DACH1: variants seen among roughly 807,000 people sequenced by gnomAD.
The protein encoded by DACH1 is dachshund family transcription factor 1.
DACH1 carries 12 observed loss-of-function variants against 54.2 expected under a neutral mutation model. The observed-to-expected ratio is 0.22, with a 90% CI of 0.14 to 0.36. DACH1 has a LOEUF of 0.36. DACH1 is among the 10% of genes least tolerant of loss of function. DACH1 has a pLI of 1.00. For synonymous variants in DACH1, 386 were observed against 366.2 expected (o/e 1.05, Z -0.62); for missense variants, 805 against 929.8 (o/e 0.87, Z 1.75).
intron 1 of DACH1, among the ~76,000 whole-genome samples, chr13:71,815,899 C>A (rs1054747042): frequency 7.2e-5 from 11 of 151,988 alleles, no homozygotes; most frequent in African/African-American, 2.2e-4. Context: ...TCCTGGCTAA[C>A]ACGGTGAAAC....
rs564707051 is a variant in DACH1 at position 71,600,688 on chromosome 13, A to C, written c.1127-27676T>G. On this transcript the variant is annotated intron_variant, in intron 3 of 10. Coordinates refer to ENST00000613252, the MANE Select transcript of DACH1 (RefSeq NM_080759.6). The stretch of plus-strand genomic sequence containing the variant: ...TGAATGGCTGTTATGCATAATTTAC[A>C]TAAATTCTTTCTAACAGTCAAAGTT... Among the ~76,000 whole-genome samples the C allele has an allele frequency of 3.3e-4, 50 of 152,220 alleles. No individual in the cohort carries two copies. The South Asian group carries it at 8.5e-3, about 26-fold the overall frequency.
intron 6 of DACH1, among the ~76,000 whole-genome samples, chr13:71,522,292 C>T (rs1881655694): frequency 6.6e-6 from 1 of 152,022 alleles, no homozygotes; most frequent in Non-Finnish European, 1.5e-5. Flanking sequence ...CTTCCCTCCA[C>T]ATTGAGATTC....
chr13:71,764,894 AT>A (rs1399654598), intron 1 of DACH1, among the ~76,000 whole-genome samples: 2 of 152,168 alleles, frequency 1.3e-5, no homozygotes, highest in Non-Finnish European at 2.9e-5. Flanking sequence ...AATGTAATTT[AT>A]TGTCTTTTTA....
chr13:71,475,259 T>C (rs775000555), intron 9 of DACH1, 50 bp from the exon 10 acceptor site: 7 of 1,458,934 alleles, frequency 4.8e-6, no homozygotes, highest in Middle Eastern at 3.5e-4. Context: ...TGATTCCTAT[T>C]GTCCTTTAAA....
At chr13:71,488,363 T>G (rs1171011991) in intron 7 of DACH1, among the ~76,000 whole-genome samples, 1 of 152,148 alleles carries the variant, frequency 6.6e-6, no homozygotes, top group Non-Finnish European at 1.5e-5. Context: ...CTTATTATCT[T>G]GGCTCCACAC....
chr13:71,679,835 A>T (rs975078636), intron 2 of DACH1, among the ~76,000 whole-genome samples: 1 of 151,002 alleles, frequency 6.6e-6, no homozygotes, highest in Non-Finnish European at 1.5e-5. Flanking sequence ...TACAAAAAAA[A>T]TTCGGGCGTA....
At chr13:71,600,360 A>T (rs1874403947) in intron 3 of DACH1, among the ~76,000 whole-genome samples, 1 of 152,104 alleles carries the variant, frequency 6.6e-6, no homozygotes, top group Non-Finnish European at 1.5e-5. Flanking sequence ...AACTTGGATT[A>T]AAAAGTTTTT....
At chr13:71,785,449 C>T (rs912121851) in intron 1 of DACH1, among the ~76,000 whole-genome samples, 1 of 152,098 alleles carries the variant, frequency 6.6e-6, no homozygotes, top group African/African-American at 2.4e-5. Flanking sequence ...TAGAAAATTC[C>T]CTTTACATTG....
At chr13:71,503,340 C>T (rs1338463606) in intron 6 of DACH1, among the ~76,000 whole-genome samples, 1 of 152,046 alleles carries the variant, frequency 6.6e-6, no homozygotes, top group Non-Finnish European at 1.5e-5. Flanking sequence ...TTATATATGA[C>T]TTGTTGAATA....
chr13:71,858,219 C>A (rs1874127934), intron 1 of DACH1, among the ~76,000 whole-genome samples: 1 of 151,452 alleles, frequency 6.6e-6, no homozygotes, highest in South Asian at 2.1e-4. Flanking sequence ...ATTTTGTTTG[C>A]CCTTGAAGAA....
At chr13:71,835,287 C>A (rs181932622) in intron 1 of DACH1, among the ~76,000 whole-genome samples, 1 of 151,868 alleles carries the variant, frequency 6.6e-6, no homozygotes, top group African/African-American at 2.4e-5. Context: ...TATACAAATA[C>A]AAGAAACAGA....
intron 1 of DACH1, among the ~76,000 whole-genome samples, chr13:71,799,634 G>A (rs1288815324): frequency 6.6e-6 from 1 of 152,064 alleles, no homozygotes; most frequent in African/African-American, 2.4e-5. Flanking sequence ...GGTTCATTCG[G>A]CACCCTGACT....
chr13:71,864,846 C>T (rs1423981583), intron 1 of DACH1, among the ~76,000 whole-genome samples: 1 of 151,840 alleles, frequency 6.6e-6, no homozygotes, highest in Admixed American at 6.6e-5. Flanking sequence ...GCGCGCTTTG[C>T]TGGGCTGGGG....
chr13:71,492,552 G>A (rs1035496297), intron 6 of DACH1, among the ~76,000 whole-genome samples: 2 of 152,070 alleles, frequency 1.3e-5, no homozygotes, highest in Admixed American at 6.6e-5. Flanking sequence ...CTTCATTTTG[G>A]ACTTCTAGTC....
At chr13:71,798,675 C>T (rs895269805) in intron 1 of DACH1, among the ~76,000 whole-genome samples, 1 of 151,920 alleles carries the variant, frequency 6.6e-6, no homozygotes. Context: ...AGCAAAATCA[C>T]CTTAATTTGC....
At chr13:71,451,658 A>C (rs1429800364) in intron 10 of DACH1, among the ~76,000 whole-genome samples, 1 of 152,202 alleles carries the variant, frequency 6.6e-6, no homozygotes, top group Non-Finnish European at 1.5e-5. Flanking sequence ...AATTTTATAA[A>C]TTATTTTTAA....
intron 10 of DACH1, among the ~76,000 whole-genome samples, chr13:71,451,072 G>A (rs1231019259): frequency 6.6e-6 from 1 of 151,876 alleles, no homozygotes; most frequent in Non-Finnish European, 1.5e-5. Flanking sequence ...CATCATCATC[G>A]TCAACTATCT....
At chr13:71,575,248 A>G (rs969573961) in intron 3 of DACH1, among the ~76,000 whole-genome samples, 1 of 152,034 alleles carries the variant, frequency 6.6e-6, no homozygotes, top group African/African-American at 2.4e-5. Flanking sequence ...TTTAGAAATA[A>G]TAAGTAATTT....
At chr13:71,744,826 T>C (rs768594432) in intron 1 of DACH1, among the ~76,000 whole-genome samples, 1 of 152,330 alleles carries the variant, frequency 6.6e-6, no homozygotes, top group South Asian at 2.1e-4. Context: ...AAAGTGTATA[T>C]ATGCTTTAGC....
Sources: allele counts gnomAD v4.1 joint callset (sites outside exome capture counted in the v4.1 genomes callset), GRCh38; gene constraint gnomAD v4.1.1; transcripts MANE v1.5; gene names NCBI Gene and HGNC (gene_info 2026-07-23, HGNC 2026-07-21).